Variants in NFATC2 observed in about 807,000 individuals in gnomAD.
NFATC2 encodes the protein nuclear factor of activated T-cells, cytoplasmic 2.
In NFATC2, 22 loss-of-function variants were observed where a neutral mutation model predicts 87.3. The observed-to-expected ratio is 0.25, with a 90% CI of 0.18 to 0.36. The LOEUF (loss-of-function observed/expected upper bound fraction) is 0.36. Ranked by LOEUF, NFATC2 falls within the 10% of genes least tolerant of loss-of-function variation. The pLI, the probability that NFATC2 is intolerant of heterozygous loss-of-function variation, is 1.00. For missense variants in NFATC2, 1,149 were observed against 1,259.1 expected (o/e 0.91, Z 1.32); for synonymous variants, 565 against 542.2 (o/e 1.04, Z -0.58).
intron 9 of NFATC2, among the ~76,000 whole-genome samples, chr20:51,427,804 C>G (rs1044809357): frequency 2.6e-5 from 4 of 152,196 alleles, no homozygotes; most frequent in African/African-American, 9.7e-5. Flanking sequence ...GCCAACCTCA[C>G]CCCCAAACCA....
At chr20:51,560,373 C>A (rs1315707111) in intron 1 of NFATC2, among the ~76,000 whole-genome samples, 1 of 150,726 alleles carries the variant, frequency 6.6e-6, no homozygotes, top group East Asian at 1.9e-4. Context: ...ACAAAGCTCA[C>A]CCTGGGTTTG....
chr20:51,525,508 C>T (rs922394523), intron 1 of NFATC2, among the ~76,000 whole-genome samples: 8 of 152,060 alleles, frequency 5.3e-5, no homozygotes, highest in African/African-American at 1.7e-4. Context: ...GAAATTCCCA[C>T]GGAGTTAGTG....
chr20:51,398,716 G>A lies in NFATC2; in HGVS notation c.2737C>T (p.His913Tyr). Reference sequence around the variant, plus strand: ...AATATGTTTTGTATCCAGCTAAGGTGTGTGTCTATCAGCTCTGAAAAAGAT... The same window carrying A: ...AATATGTTTTGTATCCAGCTAAGGTATGTGTCTATCAGCTCTGAAAAAGAT... The part of the protein sequence containing the change: ...TYLDDELIDT[H>Y]LSWIQNIL The change falls in exon 10 of 11, where the codon CAC (histidine) becomes TAC (tyrosine). Residue 913 changes from histidine (H) to tyrosine (Y), a missense_variant. Physicochemically the swap from His to Tyr is moderately conservative, Grantham distance 83 (BLOSUM62 2). Coordinates refer to ENST00000371564, the MANE Select transcript of NFATC2 (RefSeq NM_012340.5). 1 of 1,611,856 alleles carries A rather than the reference G, an allele frequency of 6.2e-7. No homozygotes were observed.
chr20:51,521,243 C>A (rs749529340), intron 2 of NFATC2, among the ~76,000 whole-genome samples: 1 of 152,258 alleles, frequency 6.6e-6, no homozygotes, highest in Non-Finnish European at 1.5e-5. Context: ...CAAGGCCCAG[C>A]GGGCAGGGCC....
intron 1 of NFATC2, among the ~76,000 whole-genome samples, chr20:51,534,451 C>A (rs554183118): frequency 6.6e-6 from 1 of 152,346 alleles, no homozygotes; most frequent in South Asian, 2.1e-4. Context: ...TCTCCTGCCT[C>A]AGCCTCCCTA....
intron 1 of NFATC2, among the ~76,000 whole-genome samples, chr20:51,559,270 G>A (rs935324421): frequency 6.6e-6 from 1 of 152,200 alleles, no homozygotes; most frequent in Non-Finnish European, 1.5e-5. Context: ...CCTCGCTAAA[G>A]CACAAATCAG....
In NFATC2 at chr20:51,389,536, A is replaced by G. The variant is rs980038191; in HGVS notation, c.*1960T>C. 6.6e-6 allele frequency: 1 copy of G among 152,196 alleles called. No individual in the cohort carries two copies. The highest frequency in any genetic ancestry group is 6.5e-5 in the Admixed American group (1 of 15,276). The allele number at this position is 152,196 out of a possible 1,614,324, so 9.4% of individuals were successfully genotyped here. On this transcript the variant is annotated 3_prime_UTR_variant, in exon 11 of 11. Transcript: ENST00000371564. ...CATGAGGAAGTATTTAGCATCCCAG[A>G]AGTTCCATGGTAGGGGTCAACCTCT...
chr20:51,387,639 T>C lies in NFATC2; in HGVS notation c.*3857A>G, dbSNP rs1460079236. On this transcript the variant is annotated 3_prime_UTR_variant, in exon 11 of 11. Coordinates refer to ENST00000371564, the MANE Select transcript of NFATC2 (RefSeq NM_012340.5). The stretch of plus-strand genomic sequence containing the variant: ...ATGCAGGAAAATACTTGCTATGCAA[T>C]TGGCTGCTTTGGTTCCACGAAACGT... 1 of 152,172 alleles carries C rather than the reference T, an allele frequency of 6.6e-6. No individual in the cohort carries two copies. The highest frequency in any genetic ancestry group is 1.5e-5 in the Non-Finnish European group (1 of 68,034). The allele number at this position is 152,172 out of a possible 1,614,324, so 9.4% of individuals were successfully genotyped here.
intron 3 of NFATC2, among the ~76,000 whole-genome samples, chr20:51,478,124 C>T (rs536852540): frequency 6.6e-6 from 1 of 152,220 alleles, no homozygotes; most frequent in African/African-American, 2.4e-5. Context: ...CACCTTTTTT[C>T]ATAACCTGCC....
At chr20:51,470,292 G>A (rs1016981538) in intron 5 of NFATC2, among the ~76,000 whole-genome samples, 1 of 152,168 alleles carries the variant, frequency 6.6e-6, no homozygotes, top group Non-Finnish European at 1.5e-5. Context: ...AATAAGGAAA[G>A]GAGCAGTCGG....
At chr20:51,445,801 A>G (rs1568987979) in intron 6 of NFATC2, among the ~76,000 whole-genome samples, 1 of 152,114 alleles carries the variant, frequency 6.6e-6, no homozygotes, top group East Asian at 1.9e-4. Context: ...TGCTCAATAA[A>G]CACCCGGGAA....
At chr20:51,512,617 G>A (rs2076290075) in intron 3 of NFATC2, among the ~76,000 whole-genome samples, 1 of 152,120 alleles carries the variant, frequency 6.6e-6, no homozygotes, top group Non-Finnish European at 1.5e-5. Flanking sequence ...AGCTGAGCAT[G>A]GCATATGTTT....
chr20:51,475,760 A>T, intron 3 of NFATC2, 100 bp from the exon 4 acceptor site: 1 of 1,132,294 alleles, frequency 8.8e-7, no homozygotes, highest in East Asian at 2.6e-5. Flanking sequence ...TAGAGAGACT[A>T]TGGGATTTCT....
At chr20:51,495,939 T>G (rs994537619) in intron 3 of NFATC2, among the ~76,000 whole-genome samples, 4 of 152,142 alleles carry the variant, frequency 2.6e-5, no homozygotes, top group Non-Finnish European at 4.4e-5. Flanking sequence ...AGCTTTACAG[T>G]CGGGAGCATC....
intron 6 of NFATC2, among the ~76,000 whole-genome samples, chr20:51,441,518 C>A (rs187317484): frequency 6.6e-6 from 1 of 152,024 alleles, no homozygotes; most frequent in African/African-American, 2.4e-5. Context: ...GAGTTCGAGA[C>A]CCACCTGACC....
intron 5 of NFATC2, among the ~76,000 whole-genome samples, chr20:51,468,442 A>T (rs1436901898): frequency 6.6e-6 from 1 of 152,244 alleles, no homozygotes; most frequent in African/African-American, 2.4e-5. Context: ...GCGAATTTAC[A>T]TTCTGTGCCC....
rs780592062 is a variant in NFATC2, at chr20:51,475,537, T to C, written c.1456A>G (p.Thr486Ala). 1 of 1,614,108 alleles carries C rather than the reference T, an allele frequency of 6.2e-7. No homozygotes were observed. The highest frequency in any genetic ancestry group is 1.1e-5 in the South Asian group (1 of 91,068). ...CCCACTATCTTCTCATAGCTGGTGG[T>C]GGTGACAGTTTTCCCCGTGATTCGG... ...VHRITGKTVT[T>A]TSYEKIVGNT... Residue 486 changes from threonine (T) to alanine (A), a missense_variant, in exon 4 of 11, where the codon ACC becomes GCC. This residue lies in a region of NFATC2 where 581 missense variants were observed against 649.7 expected (regional missense o/e 0.89). Transcript: ENST00000371564.
chr20:51,562,803 C>T (rs2077044142), upstream of NFATC2: 2 of 562,944 alleles, frequency 3.6e-6, no homozygotes, highest in East Asian at 6.0e-5. The surrounding 1 kb of genome is among the most constrained non-coding windows in gnomAD (Gnocchi z 5.8). Flanking sequence ...GCGGAGTCGG[C>T]GCGGCTCCGC....
intron 1 of NFATC2, among the ~76,000 whole-genome samples, chr20:51,540,666 T>TTTTTTTGTTTG (rs1247438852): frequency 6.9e-6 from 1 of 145,250 alleles, no homozygotes; most frequent in Non-Finnish European, 1.5e-5. Context: ...TTGTTTTTTT[T>TTTTTTTGTTTG]TTTTTGAGAA....
Sources: gnomAD v4.1 joint callset for allele counts (sites outside exome capture counted in the v4.1 genomes callset) on GRCh38, gnomAD v4.1.1 for gene constraint, gnomAD v4.1.1 regional missense constraint, Gnocchi (gnomAD v3.1) non-coding constraint, MANE v1.5 for transcripts, NCBI Gene and HGNC (gene_info 2026-07-23, HGNC 2026-07-21) for gene names.